CACNA1C: variants seen among roughly 807,000 people sequenced by gnomAD.
CACNA1C encodes the protein calcium voltage-gated channel subunit alpha1 C.
CACNA1C carries 30 observed loss-of-function variants against 229.0 expected under a neutral mutation model. The observed-to-expected ratio is 0.13, with a 90% CI of 0.10 to 0.18. The LOEUF (loss-of-function observed/expected upper bound fraction) is 0.18, where lower values mean the gene tolerates loss of function less well. Among genes scored for constraint, CACNA1C ranks in the 10% least tolerant of loss-of-function variants. CACNA1C has a pLI of 1.00. For missense variants in CACNA1C, 1,658 were observed against 2,845.0 expected (o/e 0.58, Z 9.49); for synonymous variants, 1,114 against 1,132.5 (o/e 0.98, Z 0.33).
rs541910790 is a variant in CACNA1C, at chr12:2,258,589, G to C, written c.477+138159G>C. On this transcript the variant is annotated intron_variant, in intron 3 of 46. Transcript: ENST00000399655. The stretch of plus-strand genomic sequence containing the variant: ...AAAACCAATTTTCCGAGCCCATAAG[G>C]CTCCTCAGTGGGGTAACTGGGACTG... 6.6e-5 allele frequency among the ~76,000 whole-genome samples: 10 copies of C among 152,238 alleles called. No individual in the cohort carries two copies. The South Asian group carries it at 1.9e-3, about 28-fold the overall frequency.
chr12:2,468,450 A>G (rs2099571634), intron 5 of CACNA1C, among the ~76,000 whole-genome samples: 1 of 151,170 alleles, frequency 6.6e-6, no homozygotes, highest in African/African-American at 2.5e-5. Flanking sequence ...TGGTCTAGAA[A>G]CACAGGGACG....
At chr12:1,979,948 A>G (rs2035624293) in intron 1 of CACNA1C, among the ~76,000 whole-genome samples, 1 of 152,236 alleles carries the variant, frequency 6.6e-6, no homozygotes, top group Non-Finnish European at 1.5e-5. Context: ...CAGAATTCCC[A>G]GAAAATTAAA....
chr12:2,162,397 A>G (rs768683357), intron 3 of CACNA1C, among the ~76,000 whole-genome samples: 1 of 151,900 alleles, frequency 6.6e-6, no homozygotes, highest in Non-Finnish European at 1.5e-5. Context: ...TGCCTTCCAC[A>G]TGGAGGCTGA....
chr12:2,114,339 AG>A (rs1470837383), intron 1 of CACNA1C, among the ~76,000 whole-genome samples: 1 of 152,098 alleles, frequency 6.6e-6, no homozygotes, highest in Non-Finnish European at 1.5e-5. Flanking sequence ...GGCTTCCTCC[AG>A]GACGACCATC....
intron 1 of CACNA1C, among the ~76,000 whole-genome samples, chr12:2,093,629 A>G (rs1265284023): frequency 6.6e-6 from 1 of 152,220 alleles, no homozygotes; most frequent in Non-Finnish European, 1.5e-5. Flanking sequence ...TACCCTGGGC[A>G]GGTGGTGGCT....
upstream of CACNA1C, among the ~76,000 whole-genome samples, chr12:2,050,933 C>A (rs2154499649): frequency 6.6e-6 from 1 of 152,316 alleles, no homozygotes. Flanking sequence ...TATGTACTTA[C>A]TATCTGCCAG....
Position 2,595,911 on chromosome 12 carries a change from A to G in CACNA1C, c.2701A>G (p.Ile901Val), listed in dbSNP as rs1445206849. Residue 901 changes from isoleucine (I) to valine (V), a missense_variant, in exon 20 of 47, where the codon ATC (isoleucine) becomes GTC (valine). By Grantham distance (29) the Ile-to-Val change is conservative. This residue lies in a region of CACNA1C where 52 missense variants were observed against 99.0 expected (regional missense o/e 0.53). Coordinates refer to ENST00000399655, the MANE Select transcript of CACNA1C (RefSeq NM_000719.7). The surrounding 1 kb of genome is among the most constrained non-coding windows in gnomAD (Gnocchi z 4.1). ...GTGCCACCGCATTGTCAATGACACGATCTTCACCAACCTGATCCTCTTCTT... is the reference window on the plus strand; with the variant it reads ...GTGCCACCGCATTGTCAATGACACGGTCTTCACCAACCTGATCCTCTTCTT... Reference protein sequence around the residue: ...LQCHRIVNDTIFTNLILFFIL... With the variant: ...LQCHRIVNDTVFTNLILFFIL... 1 of 1,613,628 alleles carries G rather than the reference A, an allele frequency of 6.2e-7. No individual in the cohort carries two copies. Among genetic ancestry groups the G allele is most frequent in the Non-Finnish European group, 8.5e-7 (1 of 1,179,810 alleles).
At chr12:2,259,385 A>T (rs1192775554) in intron 3 of CACNA1C, among the ~76,000 whole-genome samples, 1 of 152,272 alleles carries the variant, frequency 6.6e-6, no homozygotes, top group Non-Finnish European at 1.5e-5. Context: ...TAAGTAGTTA[A>T]AACATCCCTG....
At chr12:2,136,503 G>A (rs1028283710) in intron 3 of CACNA1C, among the ~76,000 whole-genome samples, 4 of 151,368 alleles carry the variant, frequency 2.6e-5, no homozygotes, top group Admixed American at 6.6e-5. Context: ...GTATAAATGG[G>A]AGGGGTATTT....
intron 43 of CACNA1C, among the ~76,000 whole-genome samples, chr12:2,684,881 C>T (rs2153830670): frequency 6.6e-6 from 1 of 152,316 alleles, no homozygotes; most frequent in East Asian, 1.9e-4. Flanking sequence ...AGTCTCTGTG[C>T]TGTACCATGA....
At chr12:2,194,600 G>T (rs1049501860) in intron 3 of CACNA1C, among the ~76,000 whole-genome samples, 1 of 152,014 alleles carries the variant, frequency 6.6e-6, no homozygotes, top group African/African-American at 2.4e-5. Flanking sequence ...CCCCCTTCCT[G>T]CTCTGTGACA....
At position 2,585,358 on chromosome 12, in the gene CACNA1C, C is replaced by T; in HGVS notation, c.2340-18C>T. The T allele has an allele frequency of 6.2e-7, 1 of 1,606,238 alleles. No homozygotes were observed. The highest frequency in any genetic ancestry group is 1.1e-5 in the South Asian group (1 of 89,512). ...CCAGTAAACAGCCATTTATTTTTTT[C>T]TGCTGCTGACTGGCCAGGACTGCCA... On this transcript the variant is annotated intron_variant, in intron 16 of 46. Transcript: ENST00000399655. This position sits in a 1 kb window ranked among gnomAD's most constrained non-coding sequence, Gnocchi z 4.1.
chr12:2,285,297 T>A lies in CACNA1C; in HGVS notation c.478-163679T>A, dbSNP rs1268873990. ...CACATTGATAACTTGAAATGGGCAGTAGTGGGAACATTTACACCACAAAAA... is the reference window on the plus strand; with the variant it reads ...CACATTGATAACTTGAAATGGGCAGAAGTGGGAACATTTACACCACAAAAA... On this transcript the variant is annotated intron_variant, in intron 3 of 46. Coordinates refer to ENST00000399655, the MANE Select transcript of CACNA1C (RefSeq NM_000719.7). The surrounding 1 kb of genome is among the most constrained non-coding windows in gnomAD (Gnocchi z 4.2). Among the ~76,000 whole-genome samples, 1 of 152,152 alleles carries A rather than the reference T, an allele frequency of 6.6e-6. No individual in the cohort carries two copies. Among genetic ancestry groups the A allele is most frequent in the East Asian group, 1.9e-4 (1 of 5,188 alleles).
At chr12:2,500,219 A>G (rs570558472) in intron 7 of CACNA1C, among the ~76,000 whole-genome samples, 57 of 152,132 alleles carry the variant, frequency 3.7e-4, no homozygotes, top group Admixed American at 2.0e-4. Flanking sequence ...GCAGTGTGGG[A>G]CGGCGAGGGG....
intron 43 of CACNA1C, among the ~76,000 whole-genome samples, 197 bp downstream of exon 43, chr12:2,682,875 C>A (rs879180143): frequency 2.6e-4 from 4 of 15,648 alleles, no homozygotes; most frequent in Non-Finnish European, 5.2e-4. Context: ...CAAACACACA[C>A]ACACCACACA....
At chr12:2,049,462 A>C (rs377453022), upstream of CACNA1C, 2 of 152,360 alleles carry the variant, frequency 1.3e-5, no homozygotes, top group East Asian at 1.9e-4. Flanking sequence ...GTAATTAACA[A>C]ATTCAGTGCA....
In CACNA1C at chr12:2,215,820, C is replaced by A. The variant is rs912206678; in HGVS notation, c.477+95390C>A. Among the ~76,000 whole-genome samples, 2 of 152,198 alleles carry A rather than the reference C, an allele frequency of 1.3e-5. No homozygotes were observed. Among genetic ancestry groups the A allele is most frequent in the Non-Finnish European group, 2.9e-5 (2 of 68,042 alleles). ...GTTGAAGGGCCCTGGAGCCCCAGGC[C>A]TGCCTGCCTGGGGAGCAGCTGATGG... On this transcript the variant is annotated intron_variant, in intron 3 of 46. Coordinates refer to ENST00000399655, the MANE Select transcript of CACNA1C (RefSeq NM_000719.7). This position sits in a 1 kb window ranked among gnomAD's most constrained non-coding sequence, Gnocchi z 5.0.
intron 29 of CACNA1C, among the ~76,000 whole-genome samples, chr12:2,622,608 G>A (rs1183351716): frequency 6.6e-6 from 1 of 152,188 alleles, no homozygotes; most frequent in African/African-American, 2.4e-5. Flanking sequence ...TCCATAAAAG[G>A]AGTTTCCAAG....
At chr12:2,141,135 A>G (rs971187951) in intron 3 of CACNA1C, among the ~76,000 whole-genome samples, 21 of 151,072 alleles carry the variant, frequency 1.4e-4, no homozygotes, top group South Asian at 4.2e-4. Flanking sequence ...GCTGCTGCTC[A>G]GGAGGGGAGA....
Sources: allele counts gnomAD v4.1 joint callset (sites outside exome capture counted in the v4.1 genomes callset), GRCh38; gene constraint gnomAD v4.1.1; regional missense constraint gnomAD v4.1.1; non-coding constraint Gnocchi (gnomAD v3.1); transcripts MANE v1.5; gene names NCBI Gene and HGNC (gene_info 2026-07-23, HGNC 2026-07-21).